The following DACH2 variants were observed in gnomAD, a reference collection of about 807,000 sequenced individuals.
DACH2 encodes the protein dachshund homolog 2.
A neutral mutation model predicts 35.8 loss-of-function variants in DACH2; 17 were observed. That is an observed-to-expected ratio of 0.48 (90% CI 0.33 to 0.71). The LOEUF is 0.71. Ranked by LOEUF, DACH2 falls within the 30% of genes least tolerant of loss-of-function variation. The probability of loss-of-function intolerance (pLI) is 0.02; values close to 1 mark genes in which losing one functional copy is unlikely to be tolerated. For missense variants in DACH2, 469 were observed against 472.7 expected, an observed-to-expected ratio of 0.99 and a Z score of 0.07; for synonymous variants, 195 against 177.3, an observed-to-expected ratio of 1.10 and a Z score of -0.79.
chrX:86,669,131 A>T (rs2148422990), intron 4 of DACH2, among the ~76,000 whole-genome samples: 1 of 110,948 alleles, frequency 9.0e-6, no homozygotes, highest in South Asian at 3.8e-4. Flanking sequence ...GAGGTCTTAG[A>T]TTTTTTTCTT....
intron 2 of DACH2, among the ~76,000 whole-genome samples, chrX:86,482,001 C>T (rs1225714927): frequency 8.9e-6 from 1 of 111,922 alleles, no homozygotes; most frequent in Non-Finnish European, 1.9e-5. Flanking sequence ...ATTTTTGTCG[C>T]ATTTAAAAAT....
At chrX:86,640,934 A>C (rs771970947) in intron 3 of DACH2, among the ~76,000 whole-genome samples, 8 of 112,257 alleles carry the variant, frequency 7.1e-5, no homozygotes, top group African/African-American at 2.3e-4. Flanking sequence ...AAAACATCCA[A>C]AAAAGAAGTC....
intron 2 of DACH2, among the ~76,000 whole-genome samples, chrX:86,501,088 C>T (rs191367119): frequency 1.8e-5 from 2 of 112,081 alleles, no homozygotes; most frequent in African/African-American, 6.5e-5. Context: ...CTTCGTCAAC[C>T]TTCTTGTATT....
intron 3 of DACH2, among the ~76,000 whole-genome samples, chrX:86,546,279 G>A (rs2038954589): frequency 9.1e-6 from 1 of 109,946 alleles, no homozygotes; most frequent in Non-Finnish European, 1.9e-5. Context: ...GGCTCCATGA[G>A]CTGATCTTGT....
At chrX:86,238,296 A>G (rs2033096612) in intron 1 of DACH2, among the ~76,000 whole-genome samples, 1 of 111,793 alleles carries the variant, frequency 8.9e-6, no homozygotes, top group Non-Finnish European at 1.9e-5. Context: ...ATCCAGGGTG[A>G]TATTTTAAAT....
chrX:86,705,431 A>C (rs755461450), intron 5 of DACH2, among the ~76,000 whole-genome samples: 1 of 110,608 alleles, frequency 9.0e-6, no homozygotes, highest in Non-Finnish European at 1.9e-5. Flanking sequence ...TTGTCCAAAA[A>C]CTCATGGAAA....
chrX:86,749,777 A>G (rs1229304336), intron 7 of DACH2, among the ~76,000 whole-genome samples: 2 of 111,703 alleles, frequency 1.8e-5, no homozygotes, highest in African/African-American at 6.5e-5. Flanking sequence ...TAAAAAATAT[A>G]GTATCTGTAA....
At chrX:86,553,621 G>A (rs2039079171) in intron 3 of DACH2, among the ~76,000 whole-genome samples, 1 of 111,970 alleles carries the variant, frequency 8.9e-6, no homozygotes, top group Non-Finnish European at 1.9e-5. Context: ...AAGCATAAAT[G>A]TTCATAGTTA....
chrX:86,463,759 T>A (rs796838506), intron 2 of DACH2, among the ~76,000 whole-genome samples: 2 of 110,629 alleles, frequency 1.8e-5, no homozygotes, highest in Non-Finnish European at 3.8e-5. Flanking sequence ...TGGGAGAAAA[T>A]TTTTGCAATC....
intron 1 of DACH2, among the ~76,000 whole-genome samples, chrX:86,206,603 A>T (rs1050644030): frequency 3.6e-5 from 4 of 112,538 alleles, no homozygotes; most frequent in African/African-American, 1.3e-4. Flanking sequence ...GAGTCAGAAG[A>T]CAGTAGTTCA....
At chrX:86,830,007 A>C (rs2042597853) in intron 11 of DACH2, 1 of 111,281 alleles carries the variant, frequency 9.0e-6, no homozygotes, top group South Asian at 3.8e-4. Flanking sequence ...TAAGAACATG[A>C]AACATTCCAT....
intron 1 of DACH2, among the ~76,000 whole-genome samples, chrX:86,170,653 G>A (rs1435621194): frequency 1.8e-5 from 2 of 112,462 alleles, no homozygotes; most frequent in Non-Finnish European, 3.8e-5. Context: ...AGGACTGCCA[G>A]ACTACTGTTG....
At chrX:86,459,810 C>G (rs1315108570) in intron 2 of DACH2, among the ~76,000 whole-genome samples, 1 of 110,730 alleles carries the variant, frequency 9.0e-6, no homozygotes, top group Admixed American at 9.7e-5. Context: ...TTTCTTTACT[C>G]AAATTCTCTT....
rs190314218 is a variant in DACH2 at position 86,636,256 on chromosome X, G to A, written c.641-14780G>A. ...GAGGTCAGGAGTTCGAGACCAGCCC[G>A]GCCAACATGGTGAAACCCCATCTCT... On this transcript the variant is annotated intron_variant, in intron 3 of 11. Transcript: ENST00000373125. Among the ~76,000 whole-genome samples the A allele has an allele frequency of 4.5e-3, 499 of 110,692 alleles. 2 individuals carry two copies. The highest frequency in any genetic ancestry group is 0.016 in the African/African-American group (480 of 30,438).
intron 1 of DACH2, among the ~76,000 whole-genome samples, chrX:86,258,297 T>C (rs1239802414): frequency 8.9e-6 from 1 of 111,835 alleles, no homozygotes; most frequent in Non-Finnish European, 1.9e-5. Flanking sequence ...ACTTCCCAGA[T>C]GTGAGGAAAT....
At chrX:86,545,799 A>G (rs1569435421) in intron 3 of DACH2, among the ~76,000 whole-genome samples, 1 of 111,715 alleles carries the variant, frequency 9.0e-6, no homozygotes, top group Non-Finnish European at 1.9e-5. Flanking sequence ...ATATTACATA[A>G]TATTTTTATA....
rs548887419 is a variant in DACH2 at position 86,435,060 on chromosome X, C to G, written c.527+58198C>G. Reference sequence around the variant, plus strand: ...GCCATGAGGGATCTACTCCCATGACCCTAACACTGCCCACTAGGCCCCATC... The same window carrying G: ...GCCATGAGGGATCTACTCCCATGACGCTAACACTGCCCACTAGGCCCCATC... On this transcript the variant is annotated intron_variant, in intron 2 of 11. Coordinates refer to ENST00000373125, the MANE Select transcript of DACH2 (RefSeq NM_053281.3). Among the ~76,000 whole-genome samples, 10 of 111,192 alleles carry G rather than the reference C, an allele frequency of 9.0e-5. 1 individual carries two copies. The South Asian group carries it at 3.8e-3, about 42-fold the overall frequency.
chrX:86,404,680 G>T (rs751803814), intron 2 of DACH2, among the ~76,000 whole-genome samples: 1 of 111,706 alleles, frequency 9.0e-6, no homozygotes, highest in East Asian at 2.9e-4. Context: ...TGGATCTAAC[G>T]TTCTGGGATC....
At chrX:86,580,409 A>C (rs1602666908) in intron 3 of DACH2, among the ~76,000 whole-genome samples, 1 of 111,836 alleles carries the variant, frequency 8.9e-6, no homozygotes, top group African/African-American at 3.2e-5. Flanking sequence ...TGACAGAAAT[A>C]GAATTCAGAA....
Sources: gnomAD v4.1 joint callset for allele counts (sites outside exome capture counted in the v4.1 genomes callset) on GRCh38, gnomAD v4.1.1 for gene constraint, MANE v1.5 for transcripts, NCBI Gene and HGNC (gene_info 2026-07-23, HGNC 2026-07-21) for gene names.